The following STIM1 variants were observed in gnomAD, a reference collection of about 807,000 sequenced individuals.
STIM1 encodes stromal interaction molecule 1.
A neutral mutation model predicts 74.7 loss-of-function variants in STIM1; 25 were observed. The observed-to-expected ratio is 0.33, with a 90% confidence interval of 0.24 to 0.47. The LOEUF (loss-of-function observed/expected upper bound fraction) is 0.47. STIM1 is among the 20% of genes least tolerant of loss of function. The pLI, the probability that STIM1 is intolerant of heterozygous loss-of-function variation, is 1.00. For missense variants in STIM1, 728 were observed against 920.8 expected, an observed-to-expected ratio of 0.79 and a Z score of 2.71; for synonymous variants, 328 against 348.8, an observed-to-expected ratio of 0.94 and a Z score of 0.66.
At chr11:3,896,645 T>C (rs2092186941) in intron 1 of STIM1, among the ~76,000 whole-genome samples, 1 of 152,162 alleles carries the variant, frequency 6.6e-6, no homozygotes, top group South Asian at 2.1e-4. Flanking sequence ...TAGGGATAGA[T>C]AGAGACATGG....
At chr11:4,022,335 CAAAAAAAAAAAA>C (rs60560723) in intron 2 of STIM1, among the ~76,000 whole-genome samples, 5 of 105,036 alleles carry the variant, frequency 4.8e-5, no homozygotes, top group Non-Finnish European at 9.3e-5. Context: ...GAACCTGTCT[CAAAAAAAAAAAA>C]AAAAAAAAAG....
chr11:3,900,689 C>A (rs2092325494), intron 1 of STIM1, among the ~76,000 whole-genome samples: 1 of 152,204 alleles, frequency 6.6e-6, no homozygotes, highest in Admixed American at 6.5e-5. Context: ...AAATGATCCT[C>A]CCACCTCAGC....
intron 2 of STIM1, chr11:3,974,001 C>G: frequency 2.9e-6 from 2 of 682,928 alleles, no homozygotes; most frequent in Admixed American, 4.1e-5. Flanking sequence ...GCTCTTCTGT[C>G]CACCTTATGT....
chr11:3,872,139 G>A (rs1221491868), intron 1 of STIM1, among the ~76,000 whole-genome samples: 1 of 149,472 alleles, frequency 6.7e-6, no homozygotes, highest in African/African-American at 2.5e-5. Flanking sequence ...TGCAACCTCC[G>A]CCTCCTGGGT....
intron 1 of STIM1, among the ~76,000 whole-genome samples, chr11:3,902,526 C>T (rs566682481): frequency 2.6e-5 from 4 of 152,316 alleles, no homozygotes; most frequent in South Asian, 4.1e-4. Context: ...CTAGATTCCT[C>T]GCATGTGCAG....
chr11:4,005,886 C>T lies in STIM1; in HGVS notation c.271-17987C>T, dbSNP rs371974509. On this transcript the variant is annotated intron_variant, in intron 2 of 12. Coordinates refer to ENST00000526596, the MANE Select transcript of STIM1 (RefSeq NM_001382567.1). ...GGAAACAGATATTTCACTCATGAAACGTACATGTCCTAGAACTCTGTAAAT... is the reference window on the plus strand; with the variant it reads ...GGAAACAGATATTTCACTCATGAAATGTACATGTCCTAGAACTCTGTAAAT... Among the ~76,000 whole-genome samples, 92 of 152,240 alleles carry T rather than the reference C, an allele frequency of 6.0e-4. 2 individuals are homozygous for T. The South Asian group carries it at 0.018, about 30-fold the overall frequency.
intron 1 of STIM1, chr11:3,892,560 A>G (rs1220635022): frequency 1.2e-6 from 2 of 1,601,506 alleles, no homozygotes; most frequent in Non-Finnish European, 8.6e-7. Flanking sequence ...AAAAACTGGG[A>G]ACTGTTTGTG....
At chr11:3,870,600 G>A (rs944888284) in intron 1 of STIM1, among the ~76,000 whole-genome samples, 2 of 151,986 alleles carry the variant, frequency 1.3e-5, no homozygotes, top group Non-Finnish European at 2.9e-5. Flanking sequence ...AGGCTCAGGC[G>A]ATCCTCCCAT....
chr11:3,969,923 G>T (rs1044618900), intron 2 of STIM1, among the ~76,000 whole-genome samples: 1 of 152,194 alleles, frequency 6.6e-6, no homozygotes, highest in Admixed American at 6.5e-5. Context: ...TCTAACCTGA[G>T]AATACAGCCA....
chr11:3,904,196 C>CAAAAAAAA lies in STIM1; in HGVS notation c.139+47803_139+47810dup, dbSNP rs57908154. ...TGGGTGACAGAGTGAGACTCTGTCT[C>CAAAAAAAA]AAAAAAAAAAAAAAAAAAAAAAAGA... On this transcript the variant is annotated intron_variant, in intron 1 of 12. Transcript: ENST00000526596. Among the ~76,000 whole-genome samples, 261 of 73,796 alleles carry CAAAAAAAA rather than the reference C, an allele frequency of 3.5e-3. 2 individuals carry two copies. The highest frequency in any genetic ancestry group is 9.4e-3 in the Middle Eastern group (1 of 106). 48.4% of individuals were successfully genotyped at this position (73,796 alleles called of 152,430 possible).
intron 1 of STIM1, among the ~76,000 whole-genome samples, chr11:3,958,814 AC>A (rs1357912685): frequency 1.3e-5 from 2 of 152,058 alleles, no homozygotes; most frequent in Non-Finnish European, 2.9e-5. Flanking sequence ...TACTAAAAAT[AC>A]AAAAATTAGC....
intron 7 of STIM1, among the ~76,000 whole-genome samples, chr11:4,080,318 A>G (rs2133211882): frequency 6.6e-6 from 1 of 152,312 alleles, no homozygotes; most frequent in Non-Finnish European, 1.5e-5. Context: ...CAGCCATAAA[A>G]TAAAAGGACA....
intron 2 of STIM1, among the ~76,000 whole-genome samples, chr11:3,976,549 A>T (rs1024163011): frequency 1.3e-5 from 2 of 152,314 alleles, no homozygotes; most frequent in East Asian, 3.9e-4. Flanking sequence ...TCATATGTTA[A>T]TTTTTTTAAA....
intron 4 of STIM1, 119 bp downstream of exon 4, chr11:4,055,756 T>C (rs2094284276): frequency 1.4e-6 from 1 of 703,038 alleles, no homozygotes; most frequent in East Asian, 2.7e-5. Flanking sequence ...GCAGCGTCTA[T>C]AGATCTTGCC....
chr11:3,982,482 T>G (rs2093515981), intron 2 of STIM1, among the ~76,000 whole-genome samples: 1 of 152,228 alleles, frequency 6.6e-6, no homozygotes. Flanking sequence ...GTATTTCTAC[T>G]TCTTTAACTC....
chr11:4,061,557 G>A (rs906558788), intron 5 of STIM1, among the ~76,000 whole-genome samples: 14 of 152,158 alleles, frequency 9.2e-5, no homozygotes, highest in Non-Finnish European at 1.9e-4. Context: ...AAGGTAAAAC[G>A]GTTCAGCTAC....
chr11:3,893,690 C>T (rs1307611086), intron 1 of STIM1, among the ~76,000 whole-genome samples: 1 of 151,544 alleles, frequency 6.6e-6, no homozygotes, highest in Non-Finnish European at 1.5e-5. Flanking sequence ...GCTCTGTAGC[C>T]CAGTCACCCA....
chr11:4,082,047 C>T (rs1457506823), intron 7 of STIM1, 137 bp from the exon 8 acceptor site: 12 of 982,408 alleles, frequency 1.2e-5, no homozygotes, highest in African/African-American at 3.2e-5. Flanking sequence ...ATATAAAATA[C>T]GGAAAATAAT....
intron 3 of STIM1, among the ~76,000 whole-genome samples, chr11:4,024,252 C>T (rs1200556328): frequency 2.0e-5 from 3 of 152,102 alleles, no homozygotes; most frequent in African/African-American, 7.2e-5. Flanking sequence ...CCACCTAACC[C>T]TGGCATAGGA....
Sources: gnomAD v4.1 joint callset for allele counts (sites outside exome capture counted in the v4.1 genomes callset) on GRCh38, gnomAD v4.1.1 for gene constraint, MANE v1.5 for transcripts, NCBI Gene and HGNC (gene_info 2026-07-23, HGNC 2026-07-21) for gene names.